The following CLVS1 variants were observed in gnomAD, a reference collection of about 807,000 sequenced individuals.
CLVS1 encodes the protein clavesin 1.
Under a neutral mutation model 33.1 loss-of-function variants are expected in CLVS1, and 10 were observed. That is an observed-to-expected ratio of 0.30 (90% confidence interval 0.19 to 0.51). The LOEUF (loss-of-function observed/expected upper bound fraction) is 0.51, where lower values mean the gene tolerates loss of function less well. Among genes scored for constraint, CLVS1 ranks in the 20% least tolerant of loss-of-function variants. The pLI, the probability that CLVS1 is intolerant of heterozygous loss-of-function variation, is 0.97. For missense variants in CLVS1, 343 were observed against 433.4 expected (o/e 0.79, Z 1.85); for synonymous variants, 163 against 166.1 (o/e 0.98, Z 0.14).
chr8:61,224,568 C>A (rs914593349), intron 2 of CLVS1, among the ~76,000 whole-genome samples: 1 of 152,106 alleles, frequency 6.6e-6, no homozygotes, highest in Non-Finnish European at 1.5e-5. Context: ...GACCCGACTT[C>A]GAGGGGCACC....
At chr8:61,118,116 G>C (rs1158673805) in intron 1 of CLVS1, among the ~76,000 whole-genome samples, 1 of 151,548 alleles carries the variant, frequency 6.6e-6, no homozygotes, top group South Asian at 2.1e-4. Context: ...TGTATGTGTC[G>C]AGGAATTTAT....
chr8:61,114,315 C>T (rs1398538775), intron 1 of CLVS1, among the ~76,000 whole-genome samples: 2 of 152,174 alleles, frequency 1.3e-5, no homozygotes, highest in South Asian at 2.1e-4. Flanking sequence ...AGATATAAAA[C>T]TAAACAGCAA....
chr8:61,065,369 T>A (rs567742984), intron 1 of CLVS1, among the ~76,000 whole-genome samples: 1 of 152,332 alleles, frequency 6.6e-6, no homozygotes, highest in Non-Finnish European at 1.5e-5. Flanking sequence ...TGATGCTTGC[T>A]TGGTTGAATC....
chr8:61,107,536 C>T (rs996212842), intron 1 of CLVS1, among the ~76,000 whole-genome samples: 2 of 152,152 alleles, frequency 1.3e-5, no homozygotes, highest in East Asian at 1.9e-4. Flanking sequence ...GAGGGTGGAG[C>T]CCCCATGACC....
chr8:61,238,230 G>A (rs981829565), intron 2 of CLVS1, among the ~76,000 whole-genome samples: 4 of 151,906 alleles, frequency 2.6e-5, no homozygotes, highest in African/African-American at 7.3e-5. Context: ...CAGGACCTTC[G>A]GCTGCAGTTT....
At chr8:61,070,142 G>A (rs1804766549) in intron 1 of CLVS1, among the ~76,000 whole-genome samples, 1 of 152,066 alleles carries the variant, frequency 6.6e-6, no homozygotes, top group African/African-American at 2.4e-5. Context: ...TGGCTGCCTC[G>A]TGTTCTGCCT....
chr8:61,022,848 T>C, the CLVS1 span, among the ~76,000 whole-genome samples: 1 of 152,256 alleles, frequency 6.6e-6, no homozygotes, highest in Admixed American at 6.5e-5. Flanking sequence ...TCTGAATTAA[T>C]ACGTGTGTGT....
chr8:61,483,812 G>A (rs183938067), intron 5 of CLVS1, among the ~76,000 whole-genome samples: 8 of 152,234 alleles, frequency 5.3e-5, no homozygotes, highest in South Asian at 2.1e-4. Context: ...ATCAATAAAC[G>A]TAATCCATCA....
At chr8:61,296,578 A>G (rs1810218999) in intron 1 of CLVS1, among the ~76,000 whole-genome samples, 1 of 152,200 alleles carries the variant, frequency 6.6e-6, no homozygotes, top group East Asian at 1.9e-4. Flanking sequence ...TCTGAAGCAC[A>G]ATGTGCTTAG....
At chr8:61,039,369 AAC>A in the CLVS1 span, among the ~76,000 whole-genome samples, 1 of 152,176 alleles carries the variant, frequency 6.6e-6, no homozygotes, top group Admixed American at 6.5e-5. Flanking sequence ...CGCAATTTGA[AAC>A]ACACTGTACA....
chr8:61,352,239 C>T (rs539606481), intron 2 of CLVS1, among the ~76,000 whole-genome samples: 1 of 151,976 alleles, frequency 6.6e-6, no homozygotes, highest in South Asian at 2.1e-4. Flanking sequence ...ATGCCTAGAG[C>T]AATCACTATG....
At chr8:61,140,367 C>A (rs1400854984) in intron 2 of CLVS1, among the ~76,000 whole-genome samples, 1 of 152,098 alleles carries the variant, frequency 6.6e-6, no homozygotes, top group Non-Finnish European at 1.5e-5. Flanking sequence ...ATCATGAAGA[C>A]CATAAATTAA....
chr8:61,151,176 C>T (rs1419709449), intron 2 of CLVS1, among the ~76,000 whole-genome samples: 1 of 152,156 alleles, frequency 6.6e-6, no homozygotes, highest in Non-Finnish European at 1.5e-5. Flanking sequence ...GAGAGCCAAG[C>T]TTCTGAGATA....
chr8:61,083,936 C>T (rs995548681), intron 1 of CLVS1, among the ~76,000 whole-genome samples: 2 of 152,120 alleles, frequency 1.3e-5, no homozygotes, highest in African/African-American at 4.8e-5. Flanking sequence ...AATTTCCTGA[C>T]CCCTAATGAT....
At chr8:61,163,848 G>T (rs1238707429) in intron 2 of CLVS1, among the ~76,000 whole-genome samples, 2 of 152,194 alleles carry the variant, frequency 1.3e-5, no homozygotes, top group Non-Finnish European at 2.9e-5. Flanking sequence ...GATCTGGAGG[G>T]GTGGAAGTCA....
chr8:61,329,972 C>A lies in CLVS1; in HGVS notation c.455+29690C>A, dbSNP rs1001372763. On this transcript the variant is annotated intron_variant, in intron 2 of 5. Transcript: ENST00000325897. ...AGTTTAGAGGATTCCCTTTAGCTTTCCCCTAGCCTCAGCTTTCTCCATGCA... is the reference window on the plus strand; with the variant it reads ...AGTTTAGAGGATTCCCTTTAGCTTTACCCTAGCCTCAGCTTTCTCCATGCA... Among the ~76,000 whole-genome samples, 5 of 152,088 alleles carry A rather than the reference C, an allele frequency of 3.3e-5. No individual in the cohort carries two copies. In the East Asian group the frequency reaches 5.8e-4, roughly 18 times the overall value.
intron 5 of CLVS1, among the ~76,000 whole-genome samples, chr8:61,458,980 A>G (rs1012009201): frequency 6.6e-6 from 1 of 152,234 alleles, no homozygotes; most frequent in Non-Finnish European, 1.5e-5. Context: ...TAAGATGTCA[A>G]AAGAACAGAG....
chr8:61,479,201 A>G (rs35390469), intron 5 of CLVS1, among the ~76,000 whole-genome samples: 85,915 of 152,034 alleles, frequency 0.57, 27,793 homozygotes, highest in Non-Finnish European at 0.72. Flanking sequence ...CATTCTCTCC[A>G]TCACTTTCAG....
chr8:61,246,784 G>C (rs1015534936), intron 2 of CLVS1, among the ~76,000 whole-genome samples: 3 of 151,962 alleles, frequency 2.0e-5, no homozygotes, highest in African/African-American at 7.3e-5. Context: ...TCTCTAGCTT[G>C]GTAGTTATTT....
Sources: allele counts gnomAD v4.1 joint callset (sites outside exome capture counted in the v4.1 genomes callset), GRCh38; gene constraint gnomAD v4.1.1; transcripts MANE v1.5; gene names NCBI Gene and HGNC (gene_info 2026-07-23, HGNC 2026-07-21).